Variants in C5orf24 observed in about 807,000 individuals in gnomAD.
The protein encoded by C5orf24 is UPF0461 protein C5orf24.
C5orf24 carries 4 observed loss-of-function variants against 9.8 expected under a neutral mutation model. The observed-to-expected ratio is 0.41, with a 90% CI of 0.20 to 0.93. The LOEUF (loss-of-function observed/expected upper bound fraction) is 0.93, where lower values mean the gene tolerates loss of function less well. Among genes scored for constraint, C5orf24 ranks in the 40% least tolerant of loss-of-function variants. C5orf24 has a pLI of 0.33. For missense variants in C5orf24, 170 were observed against 236.9 expected, an observed-to-expected ratio of 0.72 and a Z score of 1.85; for synonymous variants, 73 against 81.3, an observed-to-expected ratio of 0.90 and a Z score of 0.55.
rs569721746 is a variant in C5orf24 at position 134,858,282 on chromosome 5, C to A, written c.*2815C>A. ...ACTTTTCTCCCTGTGAACAGTTTAC[C>A]GGTGCCATGCTGAAGAGAAAGACAT... is the stretch of plus-strand genomic sequence containing the variant. On this transcript the variant is annotated 3_prime_UTR_variant, in exon 2 of 2. Coordinates refer to ENST00000394976, the MANE Select transcript of C5orf24 (RefSeq NM_001135586.1). 1 of 166,968 alleles carries A rather than the reference C, an allele frequency of 6.0e-6. No individual in the cohort carries two copies. The highest frequency in any genetic ancestry group is 2.4e-5 in the African/African-American group (1 of 41,430). The allele number at this position is 166,968 out of a possible 1,614,324, so 10.3% of individuals were successfully genotyped here.
chr5:134,841,884 A>G (rs988930330), upstream of C5orf24, among the ~76,000 whole-genome samples: 3 of 152,178 alleles, frequency 2.0e-5, no homozygotes, highest in Non-Finnish European at 2.9e-5. Context: ...AAGAGCTTCT[A>G]GAGGCCTGAA....
chr5:134,844,120 G>A (rs563604422), upstream of C5orf24, among the ~76,000 whole-genome samples: 2 of 152,162 alleles, frequency 1.3e-5, no homozygotes, highest in East Asian at 3.9e-4. Context: ...ATGTACAAAT[G>A]CCATTTCAGA....
chr5:134,838,974 T>C, the C5orf24 span, among the ~76,000 whole-genome samples: 2 of 152,040 alleles, frequency 1.3e-5, no homozygotes, highest in Non-Finnish European at 2.9e-5. Flanking sequence ...TTTGGGAGGC[T>C]AAGGCAGGAG....
rs1368335190 is a variant in C5orf24 at position 134,858,438 on chromosome 5, A to C, written c.*2971A>C. 6.0e-6 allele frequency: 1 copy of C among 166,894 alleles called. No individual in the cohort carries two copies. Among genetic ancestry groups the C allele is most frequent in the Non-Finnish European group, 1.5e-5 (1 of 68,116 alleles). The allele number at this position is 166,894 out of a possible 1,614,324, so 10.3% of individuals were successfully genotyped here. A position where few individuals can be genotyped will look rare whatever the true frequency, so the allele number is the denominator to read the frequency against. On this transcript the variant is annotated 3_prime_UTR_variant, in exon 2 of 2. Transcript: ENST00000394976. ...TAAACACTGAAATAGCATGTTAAACAGTTGCCTATACTTTAATATAATCAG... is the reference window on the plus strand; with the variant it reads ...TAAACACTGAAATAGCATGTTAAACCGTTGCCTATACTTTAATATAATCAG...
Position 134,846,075 on chromosome 5 carries a change from C to T in C5orf24, c.-141C>T, listed in dbSNP as rs921439134. The T allele has an allele frequency of 6.6e-6, 1 of 152,318 alleles. No individual in the cohort carries two copies. Among genetic ancestry groups the T allele is most frequent in the African/African-American group, 2.4e-5 (1 of 41,464 alleles). The allele number at this position is 152,318 out of a possible 1,614,324, so 9.4% of individuals were successfully genotyped here. A position where few individuals can be genotyped will look rare whatever the true frequency, so the allele number is the denominator to read the frequency against. ...AGCGCCTGCCTCGCCGCCGCCCTCG[C>T]TGCCTGCCACTCCGTCTTGGCCCGT... On this transcript the variant is annotated 5_prime_UTR_variant, in exon 1 of 2. Coordinates refer to ENST00000394976, the MANE Select transcript of C5orf24 (RefSeq NM_001135586.1).
upstream of C5orf24, chr5:134,845,564 G>T (rs974602171): frequency 2.0e-4 from 30 of 152,212 alleles, no homozygotes; most frequent in African/African-American, 7.0e-4. Context: ...GGTGGCTTAC[G>T]CCTGTAATCT....
At chr5:134,852,219 C>T (rs184588421) in intron 1 of C5orf24, among the ~76,000 whole-genome samples, 8 of 152,306 alleles carry the variant, frequency 5.3e-5, no homozygotes, top group African/African-American at 1.4e-4. Context: ...GGATCACAGG[C>T]GTGAGCCACC....
chr5:134,858,233 G>A lies in C5orf24; in HGVS notation c.*2766G>A, dbSNP rs1756362361. The A allele has an allele frequency of 6.0e-6, 1 of 167,008 alleles. No homozygotes were observed. The highest frequency in any genetic ancestry group is 2.4e-5 in the African/African-American group (1 of 41,432). The allele number at this position is 167,008 out of a possible 1,614,324, so 10.3% of individuals were successfully genotyped here. On this transcript the variant is annotated 3_prime_UTR_variant, in exon 2 of 2. Coordinates refer to ENST00000394976, the MANE Select transcript of C5orf24 (RefSeq NM_001135586.1). ...ACCTGGAGTATTATATCTATGCACT[G>A]GTGAGCATCTCCTGATTCCACTTAC... is the stretch of plus-strand genomic sequence containing the variant.
chr5:134,855,913 CTG>C lies in C5orf24; in HGVS notation c.*451_*452del. The C allele has an allele frequency of 9.9e-7, 1 of 1,008,540 alleles. No homozygotes were observed. Among genetic ancestry groups the C allele is most frequent in the Non-Finnish European group, 1.2e-6 (1 of 836,112 alleles). 62.5% of individuals were successfully genotyped at this position (1,008,540 alleles called of 1,614,324 possible). A position where few individuals can be genotyped will look rare whatever the true frequency, so the allele number is the denominator to read the frequency against. On this transcript the variant is annotated 3_prime_UTR_variant, in exon 2 of 2. Transcript: ENST00000394976. ...GAATCAGGATTACTTGAGGTAATGG[CTG>C]TGTGAGTTTTTGTAACATTTATTTT...
At chr5:134,844,017 CCTGACTTCTTTGTTATT>C (rs1457307814), upstream of C5orf24, among the ~76,000 whole-genome samples, 1 of 152,162 alleles carries the variant, frequency 6.6e-6, no homozygotes, top group Non-Finnish European at 1.5e-5. Flanking sequence ...CTCAGGGCTG[CCTGACTTCTTTGTTATT>C]CTGGCTACCC....
chr5:134,841,458 G>A (rs755413569), upstream of C5orf24, among the ~76,000 whole-genome samples: 19 of 151,898 alleles, frequency 1.3e-4, no homozygotes, highest in Non-Finnish European at 2.2e-4. Context: ...GTGGTGGCTC[G>A]TGCCTGTAGT....
At chr5:134,853,528 C>CTTCTTTTTTTTTTTTTTTTTT (rs1756223114) in intron 1 of C5orf24, among the ~76,000 whole-genome samples, 2 of 104,242 alleles carry the variant, frequency 1.9e-5, no homozygotes, top group African/African-American at 7.1e-5. Flanking sequence ...TCTTCTTCTT[C>CTTCTTTTTTTTTTTTTTTTTT]TTTTTTTTTT....
the C5orf24 span, among the ~76,000 whole-genome samples, chr5:134,837,897 A>AT: frequency 6.6e-6 from 1 of 152,202 alleles, no homozygotes; most frequent in Non-Finnish European, 1.5e-5. Context: ...GCTGTTACTG[A>AT]TAAGTTAAAA....
intron 1 of C5orf24, among the ~76,000 whole-genome samples, chr5:134,853,102 T>G (rs1756203063): frequency 6.6e-6 from 1 of 151,160 alleles, no homozygotes; most frequent in African/African-American, 2.4e-5. Flanking sequence ...GAGGCAGAGG[T>G]TGCAGTGAGC....
the C5orf24 span, among the ~76,000 whole-genome samples, chr5:134,835,888 G>A: frequency 4.6e-5 from 7 of 151,464 alleles, no homozygotes; most frequent in African/African-American, 1.7e-4. Flanking sequence ...TTGTAGCAGT[G>A]GGGTCTCGCT....
upstream of C5orf24, among the ~76,000 whole-genome samples, chr5:134,843,117 C>G (rs1325241362): frequency 2.0e-5 from 3 of 151,526 alleles, no homozygotes; most frequent in Non-Finnish European, 2.9e-5. Flanking sequence ...GCTGGGATTA[C>G]AGATGTGCAC....
intron 1 of C5orf24, among the ~76,000 whole-genome samples, chr5:134,851,650 A>C (rs1252090402): frequency 6.6e-6 from 1 of 152,092 alleles, no homozygotes; most frequent in African/African-American, 2.4e-5. Context: ...TACATTGTAA[A>C]TTGTTGGTTC....
At chr5:134,837,368 A>G in the C5orf24 span, among the ~76,000 whole-genome samples, 1 of 152,206 alleles carries the variant, frequency 6.6e-6, no homozygotes, top group African/African-American at 2.4e-5. Flanking sequence ...TAAAGCATAA[A>G]TATGCTTAAA....
At chr5:134,851,942 T>C (rs1756172253) in intron 1 of C5orf24, among the ~76,000 whole-genome samples, 1 of 152,164 alleles carries the variant, frequency 6.6e-6, no homozygotes, top group Non-Finnish European at 1.5e-5. Context: ...TAATTAATAA[T>C]CTAGTCCTTT....
Sources: allele counts gnomAD v4.1 joint callset (sites outside exome capture counted in the v4.1 genomes callset), GRCh38; gene constraint gnomAD v4.1.1; transcripts MANE v1.5; gene names NCBI Gene and HGNC (gene_info 2026-07-23, HGNC 2026-07-21).